WDPCP: variants seen among roughly 807,000 people sequenced by gnomAD.
WDPCP encodes the protein WD repeat-containing and planar cell polarity effector protein fritz homolog.
A neutral mutation model predicts 93.1 loss-of-function variants in WDPCP; 71 were observed. That is an observed-to-expected ratio of 0.76 (90% CI 0.63 to 0.93). WDPCP has a LOEUF of 0.93. WDPCP is among the 40% of genes least tolerant of loss of function. WDPCP has a pLI of 0.00. For synonymous variants in WDPCP, 315 were observed against 315.0 expected, an observed-to-expected ratio of 1.00 and a Z score of 0.00; for missense variants, 844 against 887.4, an observed-to-expected ratio of 0.95 and a Z score of 0.62.
rs191037214 is a variant in WDPCP at position 63,380,778 on chromosome 2, A to G, written c.1624+1128T>C. ...GAGATAAATTTTGACTACCTCCAAA[A>G]AGAACATTTAATTAACATTAAATAA... On this transcript the variant is annotated intron_variant, in intron 11 of 17. Transcript: ENST00000272321. Among the ~76,000 whole-genome samples the G allele has an allele frequency of 1.2e-3, 184 of 152,246 alleles. 1 individual carries two copies. Among genetic ancestry groups the G allele is most frequent in the Non-Finnish European group, 2.8e-4 (19 of 68,000 alleles).
At chr2:63,580,651 G>A (rs1198437390) in intron 1 of WDPCP, among the ~76,000 whole-genome samples, 1 of 152,062 alleles carries the variant, frequency 6.6e-6, no homozygotes, top group Non-Finnish European at 1.5e-5. Context: ...CCAATAAACT[G>A]TTCCAGATTA....
At chr2:63,363,514 A>G (rs1180196779) in intron 12 of WDPCP, among the ~76,000 whole-genome samples, 1 of 152,026 alleles carries the variant, frequency 6.6e-6, no homozygotes, top group Admixed American at 6.6e-5. Context: ...GGGACGACTG[A>G]TTGAGCCTGA....
At chr2:63,215,575 A>T (rs1418826019) in intron 14 of WDPCP, among the ~76,000 whole-genome samples, 2 of 152,230 alleles carry the variant, frequency 1.3e-5, no homozygotes, top group Non-Finnish European at 2.9e-5. Flanking sequence ...GGATTTAAAG[A>T]CTTAAATGTT....
At chr2:63,506,692 T>A (rs1370352822) in intron 1 of WDPCP, among the ~76,000 whole-genome samples, 1 of 152,048 alleles carries the variant, frequency 6.6e-6, no homozygotes, top group African/African-American at 2.4e-5. Flanking sequence ...AGAGAACTGT[T>A]TGAAAGTCTG....
At chr2:63,380,432 A>C (rs1286010639) in intron 11 of WDPCP, among the ~76,000 whole-genome samples, 1 of 152,070 alleles carries the variant, frequency 6.6e-6, no homozygotes. Context: ...GCATTTTCTC[A>C]TTGTAAAAAT....
At chr2:63,571,631 A>G (rs1707511537) in intron 1 of WDPCP, 1 of 471,024 alleles carries the variant, frequency 2.1e-6, no homozygotes, top group Admixed American at 2.3e-5. Flanking sequence ...GGTTTTCTGT[A>G]AAAGGATTAG....
At chr2:63,434,964 G>T (rs1697038392) in intron 8 of WDPCP, among the ~76,000 whole-genome samples, 1 of 151,818 alleles carries the variant, frequency 6.6e-6, no homozygotes, top group Admixed American at 6.6e-5. Context: ...CTCAACCAAG[G>T]CCATTAAAAC....
chr2:63,824,041 C>A (rs1192276628), intron 1 of WDPCP, among the ~76,000 whole-genome samples: 3 of 152,090 alleles, frequency 2.0e-5, no homozygotes, highest in African/African-American at 7.2e-5. Context: ...TCTCAAATCT[C>A]ATCTTGAATT....
intron 2 of WDPCP, among the ~76,000 whole-genome samples, chr2:63,769,838 T>G (rs1455146543): frequency 1.3e-5 from 2 of 151,980 alleles, no homozygotes; most frequent in Non-Finnish European, 2.9e-5. Flanking sequence ...GGTAACTAAT[T>G]CTGTGTGAGG....
At chr2:63,313,886 A>ATATATATATATTTTT in intron 12 of WDPCP, among the ~76,000 whole-genome samples, 1 of 74,502 alleles carries the variant, frequency 1.3e-5, no homozygotes, top group East Asian at 3.9e-4. Flanking sequence ...ATATATATAT[A>ATATATATATATTTTT]TTTTTTTTTT....
intron 1 of WDPCP, among the ~76,000 whole-genome samples, chr2:63,495,903 G>A (rs1348306714): frequency 6.6e-6 from 1 of 152,176 alleles, no homozygotes; most frequent in African/African-American, 2.4e-5. Flanking sequence ...ACATCCAGAA[G>A]TGGAGAAGTT....
At chr2:63,662,655 G>GAA (rs1710238507) in intron 2 of WDPCP, among the ~76,000 whole-genome samples, 1 of 151,862 alleles carries the variant, frequency 6.6e-6, no homozygotes. Context: ...GAGAGAGAGA[G>GAA]AGAGAGAGAG....
chr2:63,711,950 T>C (rs937245479), intron 2 of WDPCP, among the ~76,000 whole-genome samples: 1 of 152,194 alleles, frequency 6.6e-6, no homozygotes, highest in Non-Finnish European at 1.5e-5. Context: ...GAATGCAGGA[T>C]TTGGTGAGTA....
chr2:63,684,111 G>A lies in WDPCP; in HGVS notation n.309-33273C>T, dbSNP rs78278737. 3.5e-3 allele frequency among the ~76,000 whole-genome samples: 532 copies of A among 152,198 alleles called. 3 individuals are homozygous for A. The highest frequency in any genetic ancestry group is 6.0e-3 in the Non-Finnish European group (410 of 68,020). ...AATATTGAATTTAATCTACACTATA[G>A]ACCAAATAAACCTAGTAGATACTTA... On this transcript the variant is annotated intron_variant and non_coding_transcript_variant, in intron 2 of 4. Coordinates refer to the WDPCP transcript ENST00000467687.
intron 3 of WDPCP, among the ~76,000 whole-genome samples, chr2:63,633,705 G>A (rs1323627862): frequency 6.6e-6 from 1 of 152,128 alleles, no homozygotes; most frequent in Non-Finnish European, 1.5e-5. Flanking sequence ...AAAACAGCCA[G>A]AAAACAATTA....
chr2:63,472,508 CA>C (rs1203729810), intron 6 of WDPCP, among the ~76,000 whole-genome samples: 1 of 151,994 alleles, frequency 6.6e-6, no homozygotes, highest in Non-Finnish European at 1.5e-5. Flanking sequence ...CTTTATCTTT[CA>C]AATGTATTAA....
chr2:63,614,012 T>G (rs1709646515), intron 3 of WDPCP, among the ~76,000 whole-genome samples: 1 of 152,210 alleles, frequency 6.6e-6, no homozygotes, highest in Non-Finnish European at 1.5e-5. Flanking sequence ...AGAGATTACC[T>G]GGGAGACTTT....
At chr2:63,288,668 A>G (rs1293665859) in intron 13 of WDPCP, among the ~76,000 whole-genome samples, 1 of 152,334 alleles carries the variant, frequency 6.6e-6, no homozygotes, top group African/African-American at 2.4e-5. Context: ...CATAACCACA[A>G]TCAAACCAAT....
chr2:63,614,437 CATTTT>C (rs368213106), intron 3 of WDPCP, among the ~76,000 whole-genome samples: 1 of 152,172 alleles, frequency 6.6e-6, no homozygotes, highest in African/African-American at 2.4e-5. Flanking sequence ...TGAACTCTAT[CATTTT>C]ATACTTAGAG....
Sources: allele counts gnomAD v4.1 joint callset (sites outside exome capture counted in the v4.1 genomes callset), GRCh38; gene constraint gnomAD v4.1.1; transcripts MANE v1.5; gene names NCBI Gene and HGNC (gene_info 2026-07-23, HGNC 2026-07-21).